ATXN1: variants seen among roughly 807,000 people sequenced by gnomAD.
ATXN1 encodes ataxin 1.
A neutral mutation model predicts 56.4 loss-of-function variants in ATXN1; 8 were observed. The observed-to-expected ratio is 0.14, with a 90% CI of 0.08 to 0.26. The LOEUF is 0.26. Among genes scored for constraint, ATXN1 ranks in the 10% least tolerant of loss-of-function variants. ATXN1 has a pLI of 1.00. For synonymous variants in ATXN1, 514 were observed against 494.6 expected (o/e 1.04, Z -0.52); for missense variants, 987 against 1,106.5 (o/e 0.89, Z 1.53).
chr6:16,630,273 C>G (rs1328881426), intron 3 of ATXN1, among the ~76,000 whole-genome samples: 1 of 152,200 alleles, frequency 6.6e-6, no homozygotes, highest in Non-Finnish European at 1.5e-5. Flanking sequence ...TGTATCTGCC[C>G]TCAAGGGGAG....
At chr6:16,696,144 A>G (rs1205092544) in intron 2 of ATXN1, among the ~76,000 whole-genome samples, 2 of 152,224 alleles carry the variant, frequency 1.3e-5, no homozygotes, top group African/African-American at 2.4e-5. Flanking sequence ...TGAATGCCTC[A>G]GGCCACACTG....
At chr6:16,665,523 G>C (rs1377839232) in intron 2 of ATXN1, among the ~76,000 whole-genome samples, 1 of 142,842 alleles carries the variant, frequency 7.0e-6, no homozygotes, top group Non-Finnish European at 1.5e-5. Flanking sequence ...TCTTACAGAT[G>C]TCCCTCCAGA....
chr6:16,477,805 C>T (rs1375708204), intron 6 of ATXN1, among the ~76,000 whole-genome samples: 3 of 152,308 alleles, frequency 2.0e-5, no homozygotes, highest in South Asian at 2.1e-4. Flanking sequence ...TGTTATTCTC[C>T]GTGGGATTCT....
rs1406039451 is a variant in ATXN1, at chr6:16,760,591, C to T, written c.-730+707G>A. 2.0e-5 allele frequency among the ~76,000 whole-genome samples: 3 copies of T among 150,640 alleles called. No individual in the cohort carries two copies. The highest frequency in any genetic ancestry group is 4.4e-5 in the Non-Finnish European group (3 of 67,524). Reference sequence around the variant, plus strand: ...GCCCCCCGCCCGGCACCCGGCCGCGCGCAAAGTCCCGTCCCGGCTGCAGGA... The same window carrying T: ...GCCCCCCGCCCGGCACCCGGCCGCGTGCAAAGTCCCGTCCCGGCTGCAGGA... On this transcript the variant is annotated intron_variant, in intron 1 of 7. Coordinates refer to ENST00000436367, the MANE Select transcript of ATXN1 (RefSeq NM_001128164.2). The surrounding 1 kb of genome is among the most constrained non-coding windows in gnomAD (Gnocchi z 5.3).
chr6:16,652,160 C>T (rs537280163), intron 3 of ATXN1: 5 of 152,222 alleles, frequency 3.3e-5, no homozygotes, highest in Admixed American at 1.3e-4. Flanking sequence ...ACACATTTAA[C>T]AAAAGGCATT....
intron 2 of ATXN1, among the ~76,000 whole-genome samples, chr6:16,694,128 T>C (rs114800833): frequency 0.013 from 2,011 of 152,050 alleles, 31 homozygotes; most frequent in Middle Eastern, 0.027. Flanking sequence ...CACAAATATA[T>C]CACTATCCGA....
At chr6:16,719,169 T>C (rs1405903634) in intron 2 of ATXN1, among the ~76,000 whole-genome samples, 1 of 152,152 alleles carries the variant, frequency 6.6e-6, no homozygotes, top group Non-Finnish European at 1.5e-5. Context: ...ACAAGCAAAA[T>C]AAGCACAACA....
At chr6:16,413,012 G>C (rs1176976383) in intron 6 of ATXN1, among the ~76,000 whole-genome samples, 1 of 152,176 alleles carries the variant, frequency 6.6e-6, no homozygotes, top group Admixed American at 6.5e-5. Context: ...GGGTGATGAG[G>C]TCTCTATCTA....
At chr6:16,380,119 G>A (rs772165264) in intron 6 of ATXN1, among the ~76,000 whole-genome samples, 6 of 152,200 alleles carry the variant, frequency 3.9e-5, no homozygotes, top group Non-Finnish European at 7.3e-5. Context: ...TACATCACTG[G>A]CTTGTGACAT....
chr6:16,669,769 C>G (rs1053032630), intron 2 of ATXN1, among the ~76,000 whole-genome samples: 2 of 150,652 alleles, frequency 1.3e-5, no homozygotes, highest in Non-Finnish European at 3.0e-5. Context: ...TTTGTTGTAC[C>G]CTTCAACCCG....
At chr6:16,470,693 G>A (rs1383545771) in intron 6 of ATXN1, among the ~76,000 whole-genome samples, 1 of 151,950 alleles carries the variant, frequency 6.6e-6, no homozygotes, top group Non-Finnish European at 1.5e-5. Flanking sequence ...ATCTCCCCTG[G>A]GATCAGCTGA....
intron 6 of ATXN1, among the ~76,000 whole-genome samples, chr6:16,398,699 G>A (rs1054452357): frequency 2.0e-5 from 3 of 152,138 alleles, no homozygotes; most frequent in Admixed American, 6.5e-5. Flanking sequence ...TATCAGATAT[G>A]TACACATTTT....
At chr6:16,376,825 C>T (rs1762149951) in intron 6 of ATXN1, among the ~76,000 whole-genome samples, 1 of 152,146 alleles carries the variant, frequency 6.6e-6, no homozygotes, top group South Asian at 2.1e-4. Context: ...CTCAAAAAAA[C>T]AGTCTTTAGA....
At chr6:16,532,664 C>A (rs1761527190) in intron 4 of ATXN1, among the ~76,000 whole-genome samples, 1 of 152,056 alleles carries the variant, frequency 6.6e-6, no homozygotes, top group Non-Finnish European at 1.5e-5. Context: ...ACCACAATGA[C>A]ATACCATTTC....
rs188856110 is a variant in ATXN1 at position 16,348,020 on chromosome 6, A to G, written c.-160-19550T>C. On this transcript the variant is annotated intron_variant, in intron 6 of 7. Transcript: ENST00000436367. ...GACCATGAACCCACAGGGAGGAATG[A>G]ACAACTCCAGACATGCCGCTTTAAG... Among the ~76,000 whole-genome samples, 248 of 152,342 alleles carry G rather than the reference A, an allele frequency of 1.6e-3. 4 individuals carry two copies. Among genetic ancestry groups the G allele is most frequent in the African/African-American group, 5.5e-3 (228 of 41,592 alleles).
At chr6:16,486,383 A>G (rs1760545179) in intron 5 of ATXN1, among the ~76,000 whole-genome samples, 1 of 152,194 alleles carries the variant, frequency 6.6e-6, no homozygotes, top group Non-Finnish European at 1.5e-5. Flanking sequence ...GCCTCAAAAC[A>G]GGCCACTTGG....
chr6:16,751,621 G>C (rs1288094556), intron 2 of ATXN1, among the ~76,000 whole-genome samples: 1 of 150,892 alleles, frequency 6.6e-6, no homozygotes, highest in Non-Finnish European at 1.5e-5. Flanking sequence ...CATCCCATCA[G>C]TCAGAGAGTT....
chr6:16,328,576 C>T lies in ATXN1; in HGVS notation c.-160-106G>A. ...AGCACCGGGGAAAGAACATCTTTGG[C>T]AAGATTAAGACTAGGCCCTGGACTC... On this transcript the variant is annotated intron_variant, in intron 6 of 7. Coordinates refer to ENST00000436367, the MANE Select transcript of ATXN1 (RefSeq NM_001128164.2). The surrounding 1 kb of genome is among the most constrained non-coding windows in gnomAD (Gnocchi z 6.2). 4.6e-6 allele frequency: 2 copies of T among 431,486 alleles called. No homozygotes were observed. The highest frequency in any genetic ancestry group is 7.5e-6 in the Non-Finnish European group (2 of 268,242). 26.7% of individuals were successfully genotyped at this position (431,486 alleles called of 1,614,324 possible). A position where few individuals can be genotyped will look rare whatever the true frequency, so the allele number is the denominator to read the frequency against.
At chr6:16,642,860 A>G (rs1763730006) in intron 3 of ATXN1, among the ~76,000 whole-genome samples, 3 of 152,266 alleles carry the variant, frequency 2.0e-5, no homozygotes, top group African/African-American at 7.2e-5. Context: ...TTGGATAATT[A>G]ATAGACTATA....
Sources: gnomAD v4.1 joint callset for allele counts (sites outside exome capture counted in the v4.1 genomes callset) on GRCh38, gnomAD v4.1.1 for gene constraint, Gnocchi (gnomAD v3.1) non-coding constraint, MANE v1.5 for transcripts, NCBI Gene and HGNC (gene_info 2026-07-23, HGNC 2026-07-21) for gene names.